PPP3CA: variants seen among roughly 807,000 people sequenced by gnomAD.
PPP3CA encodes protein phosphatase 3 catalytic subunit alpha, also known as CAM-PRP catalytic subunit.
Under a neutral mutation model 66.5 loss-of-function variants are expected in PPP3CA, and 14 were observed. The observed-to-expected ratio is 0.21, with a 90% CI of 0.14 to 0.33. PPP3CA has a LOEUF of 0.33. PPP3CA is among the 10% of genes least tolerant of loss of function. PPP3CA has a pLI of 1.00. For synonymous variants in PPP3CA, 232 were observed against 226.2 expected, an observed-to-expected ratio of 1.03 and a Z score of -0.23; for missense variants, 317 against 639.5, an observed-to-expected ratio of 0.50 and a Z score of 5.44.
Position 101,269,553 on chromosome 4 carries a change from CGTGTGT to C in PPP3CA, c.59-73443_59-73438del, listed in dbSNP as rs55721209. Among the ~76,000 whole-genome samples the C allele has an allele frequency of 4.3e-3, 579 of 135,964 alleles. 7 individuals are homozygous for C. Among genetic ancestry groups the C allele is most frequent in the East Asian group, 0.017 (82 of 4,844 alleles). The allele number at this position is 135,964 out of a possible 152,430, so 89.2% of individuals were successfully genotyped here. A position where few individuals can be genotyped will look rare whatever the true frequency, so the allele number is the denominator to read the frequency against. ...ACATAAGCTCCATACAAACAAGGAACGTGTGTGTGTGTGTGTGTGTGTGTGTGTGTG... is the reference window on the plus strand; with the variant it reads ...ACATAAGCTCCATACAAACAAGGAACGTGTGTGTGTGTGTGTGTGTGTGTG... On this transcript the variant is annotated intron_variant, in intron 1 of 13. Transcript: ENST00000394854.
intron 1 of PPP3CA, among the ~76,000 whole-genome samples, chr4:101,247,503 C>A (rs1408587542): frequency 6.6e-6 from 1 of 152,116 alleles, no homozygotes; most frequent in Non-Finnish European, 1.5e-5. Context: ...TCCCCACCAA[C>A]CCTTCCTATG....
chr4:101,170,249 T>C (rs1723830808), intron 2 of PPP3CA, among the ~76,000 whole-genome samples: 2 of 145,152 alleles, frequency 1.4e-5, no homozygotes, highest in African/African-American at 2.5e-5. Context: ...TTCCCACAAT[T>C]ATATAAAACT....
chr4:101,118,820 ACT>A (rs1329267253), intron 2 of PPP3CA, among the ~76,000 whole-genome samples: 2 of 151,648 alleles, frequency 1.3e-5, no homozygotes, highest in Non-Finnish European at 2.9e-5. Flanking sequence ...GCATATGCAT[ACT>A]CTGTTCTTTT....
At chr4:101,154,918 G>C (rs1314495851) in intron 2 of PPP3CA, among the ~76,000 whole-genome samples, 1 of 146,478 alleles carries the variant, frequency 6.8e-6, no homozygotes, top group African/African-American at 2.5e-5. Flanking sequence ...CTGGGTTCAA[G>C]CGATTCTCCT....
intron 2 of PPP3CA, among the ~76,000 whole-genome samples, chr4:101,192,739 C>T (rs536572060): frequency 6.6e-6 from 1 of 152,242 alleles, no homozygotes; most frequent in Admixed American, 6.5e-5. Context: ...CTCTGCATTC[C>T]TTTTGCTGAG....
intron 2 of PPP3CA, among the ~76,000 whole-genome samples, chr4:101,168,280 C>T (rs1578515172): frequency 6.6e-6 from 1 of 151,946 alleles, no homozygotes. Flanking sequence ...AGATGGAAGG[C>T]AAAGTAGGAA....
chr4:101,162,816 CTTCTTCAT>C (rs1723562136), intron 2 of PPP3CA, among the ~76,000 whole-genome samples: 1 of 152,116 alleles, frequency 6.6e-6, no homozygotes, highest in Non-Finnish European at 1.5e-5. Flanking sequence ...TTTAATTTCA[CTTCTTCAT>C]TTAGAAAATG....
At chr4:101,254,780 C>T (rs1421591323) in intron 1 of PPP3CA, among the ~76,000 whole-genome samples, 3 of 151,742 alleles carry the variant, frequency 2.0e-5, no homozygotes, top group Admixed American at 6.6e-5. Context: ...AAAAATTTTG[C>T]TCCTATAGTC....
At chr4:101,173,212 G>A (rs4699109) in intron 2 of PPP3CA, among the ~76,000 whole-genome samples, 13 of 152,084 alleles carry the variant, frequency 8.5e-5, no homozygotes, top group Non-Finnish European at 1.5e-4. Flanking sequence ...GGATGAGGGG[G>A]TGAGGGGTGT....
At chr4:101,295,559 T>C (rs1319969081) in intron 1 of PPP3CA, among the ~76,000 whole-genome samples, 1 of 152,230 alleles carries the variant, frequency 6.6e-6, no homozygotes, top group Non-Finnish European at 1.5e-5. Context: ...AAAATCTTAC[T>C]GTAGACTCCA....
At chr4:101,133,546 A>T (rs2659535) in intron 2 of PPP3CA, among the ~76,000 whole-genome samples, 49,742 of 151,976 alleles carry the variant, frequency 0.33, 9,923 homozygotes, top group African/African-American at 0.57. Context: ...ATGGGATGTG[A>T]AGGACCTCTT....
At chr4:101,120,312 A>C (rs897519396) in intron 2 of PPP3CA, among the ~76,000 whole-genome samples, 2 of 152,110 alleles carry the variant, frequency 1.3e-5, no homozygotes, top group African/African-American at 2.4e-5. Flanking sequence ...TTATACTGGG[A>C]TAATAACAAA....
intron 1 of PPP3CA, among the ~76,000 whole-genome samples, chr4:101,343,486 G>C (rs149439746): frequency 6.6e-6 from 1 of 152,038 alleles, no homozygotes; most frequent in African/African-American, 2.4e-5. Flanking sequence ...TATTGCCCTC[G>C]GTTTGCTGTA....
In PPP3CA at chr4:101,024,472, T is replaced by C. The variant is rs1306230743; in HGVS notation, c.*1393A>G. The C allele has an allele frequency of 2.6e-5, 4 of 152,654 alleles. No homozygotes were observed. Among genetic ancestry groups the C allele is most frequent in the African/African-American group, 4.8e-5 (2 of 41,450 alleles). The allele number at this position is 152,654 out of a possible 1,614,324, so 9.5% of individuals were successfully genotyped here. ...CTGTAGTGAATTACTTGGGCACTTA[T>C]ACAATTGTTAAAAAATATGAATGGA... On this transcript the variant is annotated 3_prime_UTR_variant, in exon 14 of 14. Coordinates refer to ENST00000394854, the MANE Select transcript of PPP3CA (RefSeq NM_000944.5).
chr4:101,028,449 C>T (rs565100974), intron 13 of PPP3CA, among the ~76,000 whole-genome samples: 1 of 152,312 alleles, frequency 6.6e-6, no homozygotes, highest in South Asian at 2.1e-4. Context: ...CCTGCAGCTC[C>T]TAGTACAGTG....
At chr4:101,245,770 C>T (rs550747669) in intron 1 of PPP3CA, among the ~76,000 whole-genome samples, 150 of 152,120 alleles carry the variant, frequency 9.9e-4, no homozygotes, top group Non-Finnish European at 1.9e-3. Flanking sequence ...AGATATTCTG[C>T]TTGTTACTGT....
chr4:101,324,196 G>GGAAGGAAGGAAC (rs1466723689), intron 1 of PPP3CA, among the ~76,000 whole-genome samples: 2 of 143,706 alleles, frequency 1.4e-5, no homozygotes, highest in African/African-American at 5.1e-5. Flanking sequence ...AAGGAAGGAA[G>GGAAGGAAGGAAC]GAAGGAAGGA....
chr4:101,104,846 T>C (rs962731415), intron 3 of PPP3CA, among the ~76,000 whole-genome samples: 1 of 152,202 alleles, frequency 6.6e-6, no homozygotes, highest in South Asian at 2.1e-4. Context: ...ATTTCACATA[T>C]GAGTCATTTT....
chr4:101,196,055 T>C lies in PPP3CA; in HGVS notation c.120A>G (p.Lys40=). 1 of 1,613,906 alleles carries C rather than the reference T, an allele frequency of 6.2e-7. No homozygotes were observed. Among genetic ancestry groups the C allele is most frequent in the Non-Finnish European group, 8.5e-7 (1 of 1,179,960 alleles). Residue 40 remains lysine (K), a synonymous_variant, in exon 2 of 14, where the codon AAA becomes AAG. Transcript: ENST00000394854. ...GCGCCTTTAAGATATCCACACGAGG[T>C]TTTCCATCATTATCAAACACTTCTT... ...TAKEVFDNDG[K]PRVDILKAHL...
Sources: allele counts gnomAD v4.1 joint callset (sites outside exome capture counted in the v4.1 genomes callset), GRCh38; gene constraint gnomAD v4.1.1; transcripts MANE v1.5; gene names NCBI Gene and HGNC (gene_info 2026-07-23, HGNC 2026-07-21).